PHACTR1: variants seen among roughly 807,000 people sequenced by gnomAD.
The protein encoded by PHACTR1 is RPEL repeat containing 1.
PHACTR1 carries 16 observed loss-of-function variants against 69.2 expected under a neutral mutation model. That is an observed-to-expected ratio of 0.23 (90% CI 0.16 to 0.35). The LOEUF (loss-of-function observed/expected upper bound fraction) is 0.35, where lower values mean the gene tolerates loss of function less well. PHACTR1 is among the 10% of genes least tolerant of loss of function. PHACTR1 has a pLI of 1.00. For synonymous variants in PHACTR1, 312 were observed against 284.5 expected (o/e 1.10, Z -0.97); for missense variants, 510 against 734.7 (o/e 0.69, Z 3.54).
chr6:12,811,705 G>A (rs897552545), intron 4 of PHACTR1, among the ~76,000 whole-genome samples: 12 of 152,062 alleles, frequency 7.9e-5, no homozygotes, highest in Non-Finnish European at 1.8e-4. Context: ...TACCCCACAC[G>A]GATCACCCTT....
In PHACTR1 at chr6:12,864,111, C is replaced by T. The variant is rs148322296; in HGVS notation, c.250+114321C>T. Among the ~76,000 whole-genome samples the T allele has an allele frequency of 4.0e-4, 61 of 152,236 alleles. 1 individual carries two copies. The East Asian group carries it at 0.011, about 27-fold the overall frequency. On this transcript the variant is annotated intron_variant, in intron 4 of 14. Transcript: ENST00000332995. The stretch of plus-strand genomic sequence containing the variant: ...TAATAGAAAAGCTAGACTCAACACC[C>T]GATTTATTGGACTGTCTTACTAATC...
In PHACTR1 at chr6:13,003,951, C is replaced by CTATA. The variant is rs1384494931; in HGVS notation, c.251-49404_251-49401dup. On this transcript the variant is annotated intron_variant, in intron 4 of 14. Transcript: ENST00000332995. ...CTTTTTTTATGGCTCAGTAGTATTC[C>CTATA]TATATATATATATGTATATATATAT... 8.2e-4 allele frequency among the ~76,000 whole-genome samples: 77 copies of CTATA among 93,556 alleles called. 6 individuals carry two copies. The highest frequency in any genetic ancestry group is 3.7e-3 in the African/African-American group (60 of 16,060). 61.4% of individuals were successfully genotyped at this position (93,556 alleles called of 152,430 possible). A position where few individuals can be genotyped will look rare whatever the true frequency, so the allele number is the denominator to read the frequency against.
chr6:12,813,783 C>G lies in PHACTR1; in HGVS notation c.250+63993C>G, dbSNP rs112152063. Among the ~76,000 whole-genome samples, 123 of 152,336 alleles carry G rather than the reference C, an allele frequency of 8.1e-4. 1 individual carries two copies. Among genetic ancestry groups the G allele is most frequent in the African/African-American group, 2.7e-3 (111 of 41,570 alleles). ...GCAAGTCACCACTGGAACTAGTGCT[C>G]TAGAGGTTCAGAAGAAGAAAATTAT... On this transcript the variant is annotated intron_variant, in intron 4 of 14. Transcript: ENST00000332995.
At chr6:12,936,575 T>C (rs1789475079) in intron 4 of PHACTR1, among the ~76,000 whole-genome samples, 4 of 152,342 alleles carry the variant, frequency 2.6e-5, no homozygotes, top group African/African-American at 7.2e-5. Context: ...CACATGAGGA[T>C]TGATGGCAAT....
chr6:12,995,981 G>A (rs139422749), intron 4 of PHACTR1, among the ~76,000 whole-genome samples: 51 of 151,990 alleles, frequency 3.4e-4, no homozygotes, highest in African/African-American at 9.9e-4. Context: ...TAAGAAATTC[G>A]TACATCAAAA....
intron 4 of PHACTR1, among the ~76,000 whole-genome samples, chr6:13,031,369 T>C (rs955292892): frequency 3.3e-5 from 5 of 152,244 alleles, no homozygotes; most frequent in Non-Finnish European, 7.3e-5. Flanking sequence ...CATTCACTTT[T>C]AGACTTTGTG....
At chr6:13,132,192 G>A (rs533927143) in intron 5 of PHACTR1, among the ~76,000 whole-genome samples, 1 of 152,186 alleles carries the variant, frequency 6.6e-6, no homozygotes, top group Admixed American at 6.5e-5. Context: ...GGGAGAACTG[G>A]TTGAGGTCTT....
chr6:12,864,984 A>G (rs980852945), intron 4 of PHACTR1, among the ~76,000 whole-genome samples: 6 of 152,334 alleles, frequency 3.9e-5, no homozygotes, highest in African/African-American at 1.4e-4. Flanking sequence ...GTGGTGTGCT[A>G]GTGCCACTGT....
At chr6:13,084,798 A>T (rs1412635667) in intron 5 of PHACTR1, among the ~76,000 whole-genome samples, 1 of 152,098 alleles carries the variant, frequency 6.6e-6, no homozygotes, top group East Asian at 1.9e-4. Flanking sequence ...GGTGATAGGG[A>T]TTCATTTTGA....
intron 5 of PHACTR1, among the ~76,000 whole-genome samples, chr6:13,095,743 G>A (rs1814098666): frequency 8.0e-6 from 1 of 124,836 alleles, no homozygotes; most frequent in Non-Finnish European, 1.6e-5. Flanking sequence ...GAATTATTGT[G>A]AAGGGCTTTT....
At chr6:13,034,137 C>T (rs1182866291) in intron 4 of PHACTR1, among the ~76,000 whole-genome samples, 3 of 152,208 alleles carry the variant, frequency 2.0e-5, no homozygotes, top group African/African-American at 4.8e-5. Flanking sequence ...CCTGCCTCAG[C>T]CTCCCGAGTA....
chr6:12,720,340 A>G (rs1476898350), intron 3 of PHACTR1, among the ~76,000 whole-genome samples: 1 of 152,254 alleles, frequency 6.6e-6, no homozygotes, highest in Non-Finnish European at 1.5e-5. Flanking sequence ...GCAGTTAATT[A>G]TAGAGAATAA....
chr6:13,229,543 C>G (rs1344308862), intron 9 of PHACTR1, among the ~76,000 whole-genome samples: 1 of 152,182 alleles, frequency 6.6e-6, no homozygotes, highest in African/African-American at 2.4e-5. Context: ...TCACGTCCCC[C>G]CAGCTCCAGT....
intron 4 of PHACTR1, among the ~76,000 whole-genome samples, chr6:12,768,543 G>A (rs77482904): frequency 0.072 from 10,624 of 147,652 alleles, 466 homozygotes; most frequent in Admixed American, 0.11. Flanking sequence ...GGTTTGGGTG[G>A]GTGGATTAGT....
intron 4 of PHACTR1, among the ~76,000 whole-genome samples, chr6:13,013,028 C>T (rs1799617979): frequency 6.6e-6 from 1 of 152,114 alleles, no homozygotes; most frequent in South Asian, 2.1e-4. Context: ...GAGTGACAGC[C>T]CATCTCTAAA....
chr6:12,752,343 A>G (rs1454905419), intron 4 of PHACTR1, among the ~76,000 whole-genome samples: 2 of 152,228 alleles, frequency 1.3e-5, no homozygotes, highest in African/African-American at 2.4e-5. Context: ...CACACTCCCA[A>G]TAAATTACAT....
intron 3 of PHACTR1, among the ~76,000 whole-genome samples, chr6:12,743,747 C>A (rs1023530566): frequency 6.6e-6 from 1 of 152,120 alleles, no homozygotes; most frequent in Non-Finnish European, 1.5e-5. Flanking sequence ...GACAGATCAA[C>A]GAGACAGAAA....
Position 13,283,621 on chromosome 6 carries a change from G to C in PHACTR1, c.1650+59G>C. The C allele has an allele frequency of 6.2e-7, 1 of 1,612,030 alleles. No homozygotes were observed. The highest frequency in any genetic ancestry group is 8.5e-7 in the Non-Finnish European group (1 of 1,179,410). ...AGGACCGTCTGCTGGGTCTCGCTGG[G>C]CTCACCGCTGGGGAGCGTGTAGGGA... On this transcript the variant is annotated intron_variant, in intron 13 of 14. Coordinates refer to ENST00000332995, the MANE Select transcript of PHACTR1 (RefSeq NM_030948.6). The surrounding 1 kb of genome is among the most constrained non-coding windows in gnomAD (Gnocchi z 4.7).
At chr6:12,781,883 A>G (rs1330256922) in intron 4 of PHACTR1, among the ~76,000 whole-genome samples, 2 of 152,218 alleles carry the variant, frequency 1.3e-5, no homozygotes, top group Non-Finnish European at 2.9e-5. Flanking sequence ...TAGCCACACC[A>G]TGACACAGTG....
Sources: gnomAD v4.1 joint callset for allele counts (sites outside exome capture counted in the v4.1 genomes callset) on GRCh38, gnomAD v4.1.1 for gene constraint, Gnocchi (gnomAD v3.1) non-coding constraint, MANE v1.5 for transcripts, NCBI Gene and HGNC (gene_info 2026-07-23, HGNC 2026-07-21) for gene names.